Variants in AGAP1 observed in about 807,000 individuals in gnomAD.
AGAP1 encodes the protein arf-GAP with GTPase, ANK repeat and PH domain-containing protein 1.
AGAP1 carries 29 observed loss-of-function variants against 105.3 expected under a neutral mutation model. The ratio of observed to expected loss-of-function variants is 0.28; its 90% CI spans 0.21 to 0.38. The LOEUF (loss-of-function observed/expected upper bound fraction) is 0.38. AGAP1 is among the 10% of genes least tolerant of loss of function. AGAP1 has a pLI of 1.00. For synonymous variants in AGAP1, 509 were observed against 485.9 expected (o/e 1.05, Z -0.63); for missense variants, 998 against 1,165.1 (o/e 0.86, Z 2.09).
In AGAP1 at chr2:235,733,722, G is replaced by A. The variant is rs777257291; in HGVS notation, c.311-7241G>A. 6.6e-6 allele frequency among the ~76,000 whole-genome samples: 1 copy of A among 152,218 alleles called. No individual in the cohort carries two copies. The highest frequency in any genetic ancestry group is 2.4e-5 in the African/African-American group (1 of 41,532). ...TCGTGTTAAGTGCTCACTTCACTGC[G>A]GGTCAGAACCCCGGAGTGTTTCACC... On this transcript the variant is annotated intron_variant, in intron 3 of 17. Coordinates refer to ENST00000304032, the MANE Select transcript of AGAP1 (RefSeq NM_001037131.3). This position sits in a 1 kb window ranked among gnomAD's most constrained non-coding sequence, Gnocchi z 5.0.
In AGAP1 at chr2:235,725,624, CATG is replaced by C. The variant is rs1951606012; in HGVS notation, c.310+7983_310+7985del. 6.6e-6 allele frequency among the ~76,000 whole-genome samples: 1 copy of C among 152,068 alleles called. No homozygotes were observed. The highest frequency in any genetic ancestry group is 2.1e-4 in the South Asian group (1 of 4,828). ...AGTTGCAACCAAGTGATTATAAACA[CATG>C]ATAATTTTTTAATGAGAATTATCTG... On this transcript the variant is annotated intron_variant, in intron 3 of 17. Coordinates refer to ENST00000304032, the MANE Select transcript of AGAP1 (RefSeq NM_001037131.3). The surrounding 1 kb of genome is among the most constrained non-coding windows in gnomAD (Gnocchi z 5.7).
chr2:236,074,074 T>A (rs73996515), intron 16 of AGAP1, among the ~76,000 whole-genome samples: 6 of 152,218 alleles, frequency 3.9e-5, no homozygotes, highest in Admixed American at 2.0e-4. Flanking sequence ...GGGGAGCCCC[T>A]GCTAGCTGTA....
rs116299076 is a variant in AGAP1 at position 235,699,783 on chromosome 2, C to A, written c.164-9396C>A. Among the ~76,000 whole-genome samples, 804 of 152,324 alleles carry A rather than the reference C, an allele frequency of 5.3e-3. 8 individuals carry two copies. Among genetic ancestry groups the A allele is most frequent in the African/African-American group, 0.018 (746 of 41,564 alleles). ...CCAGCATTCGCAGTGGGGGTGTCTG[C>A]ACTCTCTACCAAGCTGTCCAGGTTC... On this transcript the variant is annotated intron_variant, in intron 1 of 17. Transcript: ENST00000304032.
intron 13 of AGAP1, among the ~76,000 whole-genome samples, chr2:236,034,120 T>G (rs116100294): frequency 0.012 from 1,762 of 152,256 alleles, 29 homozygotes; most frequent in African/African-American, 0.039. Context: ...ATACATGAAT[T>G]GGGGCACTAT....
At chr2:235,571,682 C>G (rs1220173795) in intron 1 of AGAP1, among the ~76,000 whole-genome samples, 1 of 152,056 alleles carries the variant, frequency 6.6e-6, no homozygotes, top group Non-Finnish European at 1.5e-5. Context: ...GGCAACTCAC[C>G]TGGGATATGG....
At chr2:235,667,995 T>C (rs1477794330) in intron 1 of AGAP1, among the ~76,000 whole-genome samples, 1 of 144,920 alleles carries the variant, frequency 6.9e-6, no homozygotes, top group Admixed American at 6.9e-5. Flanking sequence ...GTCTTCTTTA[T>C]TGAAACTCAA....
chr2:235,805,508 T>G (rs1436427937), intron 8 of AGAP1, among the ~76,000 whole-genome samples: 1 of 152,166 alleles, frequency 6.6e-6, no homozygotes, highest in Non-Finnish European at 1.5e-5. Flanking sequence ...ATTTAGAATT[T>G]GTAAAATTCC....
chr2:235,811,831 C>G (rs1958157324), intron 9 of AGAP1, among the ~76,000 whole-genome samples: 2 of 152,228 alleles, frequency 1.3e-5, no homozygotes, highest in African/African-American at 4.8e-5. Flanking sequence ...CTTAGAGATT[C>G]ATGGGAAAAA....
In AGAP1 at chr2:235,578,156, A is replaced by G. The variant is rs563758665; in HGVS notation, c.163+83307A>G. On this transcript the variant is annotated intron_variant, in intron 1 of 17. Transcript: ENST00000304032. This position sits in a 1 kb window ranked among gnomAD's most constrained non-coding sequence, Gnocchi z 4.9. The stretch of plus-strand genomic sequence containing the variant: ...GGGACCACCATTGACCAGTAGAGCT[A>G]TAAAGGACTTGGCCACCAAGGTTGG... 1.3e-5 allele frequency among the ~76,000 whole-genome samples: 2 copies of G among 152,276 alleles called. No individual in the cohort carries two copies. The highest frequency in any genetic ancestry group is 3.9e-4 in the East Asian group (2 of 5,152).
At chr2:235,748,589 A>G (rs1953160984) in intron 5 of AGAP1, among the ~76,000 whole-genome samples, 1 of 152,204 alleles carries the variant, frequency 6.6e-6, no homozygotes, top group Non-Finnish European at 1.5e-5. Context: ...TTAACTGCAG[A>G]GTTCACTTGC....
rs2056208763 is a variant in AGAP1 at position 236,003,533 on chromosome 2, C to T, written c.1646-33028C>T. On this transcript the variant is annotated intron_variant, in intron 13 of 17. Coordinates refer to ENST00000304032, the MANE Select transcript of AGAP1 (RefSeq NM_001037131.3). The surrounding 1 kb of genome is among the most constrained non-coding windows in gnomAD (Gnocchi z 4.2). ...CAGACAAGGGACCCATGGCCCAGAG[C>T]CCAGAGTCACCCGCAGCCCCCCTGC... Among the ~76,000 whole-genome samples the T allele has an allele frequency of 1.3e-5, 2 of 152,326 alleles. No individual in the cohort carries two copies. Among genetic ancestry groups the T allele is most frequent in the Middle Eastern group, 3.4e-3 (1 of 294 alleles).
At chr2:236,100,507 G>A (rs1576304067) in intron 16 of AGAP1, among the ~76,000 whole-genome samples, 1 of 152,224 alleles carries the variant, frequency 6.6e-6, no homozygotes, top group South Asian at 2.1e-4. Flanking sequence ...ATTTGACTCT[G>A]ATATTTTTAT....
intron 4 of AGAP1, among the ~76,000 whole-genome samples, chr2:235,742,731 A>G (rs974360001): frequency 6.6e-6 from 1 of 152,226 alleles, no homozygotes; most frequent in African/African-American, 2.4e-5. Context: ...AGAAGTAGGT[A>G]ACATTTAGAA....
intron 8 of AGAP1, among the ~76,000 whole-genome samples, chr2:235,802,133 G>A (rs1957523947): frequency 6.6e-6 from 1 of 152,070 alleles, no homozygotes; most frequent in African/African-American, 2.4e-5. Context: ...TGTCTAGGAG[G>A]AAGACTCACT....
At position 235,882,292 on chromosome 2, in the gene AGAP1, G is replaced by T; in HGVS notation, c.1051-1053G>T. 3.3e-6 allele frequency: 2 copies of T among 612,644 alleles called. No individual in the cohort carries two copies. The highest frequency in any genetic ancestry group is 1.8e-5 in the South Asian group (1 of 54,594). 38.0% of individuals were successfully genotyped at this position (612,644 alleles called of 1,614,324 possible). ...GCAGCTTGTGGCTCGTGTCCATCTT[G>T]CAGGTCGCTCTTCCTCCACATCACA... On this transcript the variant is annotated intron_variant, in intron 9 of 17. Coordinates refer to ENST00000304032, the MANE Select transcript of AGAP1 (RefSeq NM_001037131.3). The surrounding 1 kb of genome is among the most constrained non-coding windows in gnomAD (Gnocchi z 4.6).
In AGAP1 at chr2:235,741,359, C is replaced by G. The variant is rs1952572258; in HGVS notation, c.396+311C>G. On this transcript the variant is annotated intron_variant, in intron 4 of 17. Transcript: ENST00000304032. This position sits in a 1 kb window ranked among gnomAD's most constrained non-coding sequence, Gnocchi z 4.9. ...CAGTTGAAATGACATCTGGAAATTT[C>G]TGTCGTTTGGTTTGTTTTTTGGCCT... 1.3e-5 allele frequency among the ~76,000 whole-genome samples: 2 copies of G among 152,186 alleles called. No homozygotes were observed. Among genetic ancestry groups the G allele is most frequent in the African/African-American group, 4.8e-5 (2 of 41,458 alleles).
At chr2:236,077,695 T>C (rs2058677871) in intron 16 of AGAP1, among the ~76,000 whole-genome samples, 1 of 152,174 alleles carries the variant, frequency 6.6e-6, no homozygotes, top group Non-Finnish European at 1.5e-5. Flanking sequence ...TACATAGTCA[T>C]CCCCCTTGGA....
rs1048965777 is a variant in AGAP1, at chr2:235,900,695, A to G, written c.1156-8043A>G. Reference sequence around the variant, plus strand: ...CTTCAAAAGGCCATTCCACCATTCTATTAATCCAGCTGCTTCAGGATGATG... The same window carrying G: ...CTTCAAAAGGCCATTCCACCATTCTGTTAATCCAGCTGCTTCAGGATGATG... On this transcript the variant is annotated intron_variant, in intron 10 of 17. Transcript: ENST00000304032. This position sits in a 1 kb window ranked among gnomAD's most constrained non-coding sequence, Gnocchi z 5.5. Among the ~76,000 whole-genome samples the G allele has an allele frequency of 1.3e-5, 2 of 152,174 alleles. No individual in the cohort carries two copies. The highest frequency in any genetic ancestry group is 2.9e-5 in the Non-Finnish European group (2 of 68,024).
chr2:235,718,516 T>A lies in AGAP1; in HGVS notation c.310+872T>A, dbSNP rs187614838. ...TGTACCATCCTGTTTTGTTTCATTT[T>A]ATCTTTTTCTTCAGTTGAACATTCC... is the stretch of plus-strand genomic sequence containing the variant. On this transcript the variant is annotated intron_variant, in intron 3 of 17. Coordinates refer to ENST00000304032, the MANE Select transcript of AGAP1 (RefSeq NM_001037131.3). 5 of 630,126 alleles carry A rather than the reference T, an allele frequency of 7.9e-6. No individual in the cohort carries two copies. The Admixed American group carries it at 3.2e-4, about 40-fold the overall frequency. 39.0% of individuals were successfully genotyped at this position (630,126 alleles called of 1,614,324 possible). A position where few individuals can be genotyped will look rare whatever the true frequency, so the allele number is the denominator to read the frequency against.
Sources: gnomAD v4.1 joint callset for allele counts (sites outside exome capture counted in the v4.1 genomes callset) on GRCh38, gnomAD v4.1.1 for gene constraint, Gnocchi (gnomAD v3.1) non-coding constraint, MANE v1.5 for transcripts, NCBI Gene and HGNC (gene_info 2026-07-23, HGNC 2026-07-21) for gene names.